ASIC2: variants seen among roughly 807,000 people sequenced by gnomAD.
ASIC2 encodes acid-sensing ion channel 2.
In ASIC2, 25 loss-of-function variants were observed where a neutral mutation model predicts 57.3. The ratio of observed to expected loss-of-function variants is 0.44; its 90% CI spans 0.32 to 0.61. ASIC2 has a LOEUF of 0.61. Ranked by LOEUF, ASIC2 falls within the 20% of genes least tolerant of loss-of-function variation. ASIC2 has a pLI of 0.06. For synonymous variants in ASIC2, 319 were observed against 307.5 expected, an observed-to-expected ratio of 1.04 and a Z score of -0.39; for missense variants, 641 against 738.1, an observed-to-expected ratio of 0.87 and a Z score of 1.52.
intron 1 of ASIC2, among the ~76,000 whole-genome samples, chr17:33,553,494 CTATTAT>C (rs3032154): frequency 6.6e-6 from 1 of 150,442 alleles, no homozygotes; most frequent in African/African-American, 2.5e-5. Flanking sequence ...TTTATTATTA[CTATTAT>C]TATTATTATT....
At chr17:33,922,462 T>A (rs1443853390) in intron 1 of ASIC2, among the ~76,000 whole-genome samples, 6 of 152,212 alleles carry the variant, frequency 3.9e-5, no homozygotes, top group Non-Finnish European at 5.9e-5. Flanking sequence ...CGCCTCACTT[T>A]GTTCTAGGTG....
At chr17:33,285,269 A>G (rs1905103441) in intron 1 of ASIC2, among the ~76,000 whole-genome samples, 1 of 152,214 alleles carries the variant, frequency 6.6e-6, no homozygotes, top group Non-Finnish European at 1.5e-5. Context: ...TGGAGTTTAC[A>G]TTTGATTCCC....
At chr17:33,611,805 G>A (rs550330469) in intron 1 of ASIC2, among the ~76,000 whole-genome samples, 1 of 152,336 alleles carries the variant, frequency 6.6e-6, no homozygotes, top group East Asian at 1.9e-4. Context: ...TGGGGTGGAG[G>A]AATATTCTCT....
intron 1 of ASIC2, among the ~76,000 whole-genome samples, chr17:34,088,263 A>G (rs1910185532): frequency 6.6e-6 from 1 of 152,230 alleles, no homozygotes; most frequent in South Asian, 2.1e-4. Flanking sequence ...TCTAACAGAC[A>G]GGACCCTCAG....
chr17:33,289,779 T>A (rs1007429297), intron 1 of ASIC2, among the ~76,000 whole-genome samples: 2 of 152,184 alleles, frequency 1.3e-5, no homozygotes, highest in Admixed American at 6.5e-5. Flanking sequence ...AAAGCAATAG[T>A]CAGATTTTCA....
chr17:33,291,393 C>G lies in ASIC2; in HGVS notation c.708+15G>C, dbSNP rs1905436539. ...GGGGCGCAGAGGGAGCGGGTTCGCG[C>G]GGAGGGCAACTCACGGAGGAGAAGT... is the stretch of plus-strand genomic sequence containing the variant. On this transcript the variant is annotated intron_variant, in intron 1 of 9. Coordinates refer to ENST00000225823, the MANE Select transcript of ASIC2 (RefSeq NM_183377.2). 1.3e-6 allele frequency: 2 copies of G among 1,584,836 alleles called. No individual in the cohort carries two copies. The highest frequency in any genetic ancestry group is 2.7e-5 in the African/African-American group (2 of 74,406).
intron 1 of ASIC2, among the ~76,000 whole-genome samples, chr17:33,989,117 A>G (rs1452405414): frequency 6.6e-6 from 1 of 152,138 alleles, no homozygotes; most frequent in Non-Finnish European, 1.5e-5. Context: ...ATCTGTCTGA[A>G]CTTGAAGCCC....
At chr17:33,299,539 G>GT (rs5820029) in intron 1 of ASIC2, among the ~76,000 whole-genome samples, 76,762 of 150,624 alleles carry the variant, frequency 0.51, 19,727 homozygotes, top group East Asian at 0.73. Context: ...CCCTCACTCT[G>GT]TTTTTTTTTG....
intron 1 of ASIC2, among the ~76,000 whole-genome samples, chr17:33,194,336 T>C (rs1199987166): frequency 1.3e-5 from 2 of 152,232 alleles, no homozygotes; most frequent in Non-Finnish European, 2.9e-5. Flanking sequence ...CTTCCTAGCA[T>C]GTTGCTTATG....
At chr17:33,848,790 A>G (rs972736436) in intron 1 of ASIC2, among the ~76,000 whole-genome samples, 5 of 152,050 alleles carry the variant, frequency 3.3e-5, no homozygotes, top group African/African-American at 1.2e-4. Context: ...GGCCCTCAAC[A>G]CTCTGGGGTT....
At chr17:34,070,311 G>A (rs1909350281) in intron 1 of ASIC2, 1 of 151,884 alleles carries the variant, frequency 6.6e-6, no homozygotes, top group African/African-American at 2.4e-5. Flanking sequence ...AGCAGAAGCT[G>A]GGATACTGAG....
chr17:33,058,475 A>AAAAAC (rs1362697716), intron 3 of ASIC2, among the ~76,000 whole-genome samples: 1 of 147,306 alleles, frequency 6.8e-6, no homozygotes, highest in African/African-American at 2.5e-5. Context: ...GAAGTCAAAA[A>AAAAAC]AAAAAAAAAA....
chr17:33,997,632 A>C (rs1462721003), intron 1 of ASIC2, among the ~76,000 whole-genome samples: 1 of 152,180 alleles, frequency 6.6e-6, no homozygotes, highest in Non-Finnish European at 1.5e-5. Flanking sequence ...TGAGATGATC[A>C]TATAATTTTT....
chr17:33,436,928 C>G lies in ASIC2; in HGVS notation c.556-324861G>C, dbSNP rs1294904678. 3.2e-5 allele frequency among the ~76,000 whole-genome samples: 4 copies of G among 126,118 alleles called. No individual in the cohort carries two copies. In the East Asian group the frequency reaches 9.9e-4, roughly 31 times the overall value. The allele number at this position is 126,118 out of a possible 152,430, so 82.7% of individuals were successfully genotyped here. On this transcript the variant is annotated intron_variant, in intron 1 of 9. Coordinates refer to the ASIC2 transcript ENST00000359872. The stretch of plus-strand genomic sequence containing the variant: ...TCGCCCAGGCTGGAGTGCAGTGGCG[C>G]GATCTCGGCTCACTGCAAGCTCCGC...
At position 34,156,424 on chromosome 17, in the gene ASIC2, G is replaced by T; in HGVS notation, c.109C>A (p.Pro37Thr). The T allele has an allele frequency of 6.2e-7, 1 of 1,614,192 alleles. No homozygotes were observed. The highest frequency in any genetic ancestry group is 8.5e-7 in the Non-Finnish European group (1 of 1,180,044). The change falls in exon 1 of 10, where the codon CCG becomes ACG. Residue 37 changes from proline to threonine, a missense_variant. Physicochemically the swap from Pro to Thr is conservative, Grantham distance 38. Coordinates refer to the ASIC2 transcript ENST00000359872. The surrounding 1 kb of genome is among the most constrained non-coding windows in gnomAD (Gnocchi z 4.4). ...CACAGCACACGCCGGATGGTCAGCG[G>T]CCCATACACGAAGATGTGGCGGATG... is the stretch of plus-strand genomic sequence containing the variant.
chr17:33,849,567 G>A (rs317396), intron 1 of ASIC2, among the ~76,000 whole-genome samples: 46,071 of 152,030 alleles, frequency 0.3, 7,356 homozygotes, highest in East Asian at 0.49. Context: ...GGTCACCAGG[G>A]AGGTGATCAT....
intron 1 of ASIC2, among the ~76,000 whole-genome samples, chr17:33,437,023 G>A (rs1046121650): frequency 1.3e-5 from 2 of 148,428 alleles, no homozygotes; most frequent in South Asian, 2.2e-4. Context: ...CCGCTACCAC[G>A]CCCGGCTAAT....
At chr17:33,591,563 T>C (rs1260937583) in intron 1 of ASIC2, among the ~76,000 whole-genome samples, 3 of 152,014 alleles carry the variant, frequency 2.0e-5, no homozygotes, top group Admixed American at 2.0e-4. Context: ...TTCTGGGCCA[T>C]CCCCCCAGCT....
intron 1 of ASIC2, among the ~76,000 whole-genome samples, chr17:33,964,131 G>A (rs1905006998): frequency 6.6e-6 from 1 of 152,216 alleles, no homozygotes; most frequent in Non-Finnish European, 1.5e-5. Flanking sequence ...TGAGGCTTCA[G>A]AATCTGTCCC....
Sources: gnomAD v4.1 joint callset for allele counts (sites outside exome capture counted in the v4.1 genomes callset) on GRCh38, gnomAD v4.1.1 for gene constraint, Gnocchi (gnomAD v3.1) non-coding constraint, MANE v1.5 for transcripts, NCBI Gene and HGNC (gene_info 2026-07-23, HGNC 2026-07-21) for gene names.